Variants in SLC71A2 observed in about 807,000 individuals in gnomAD.
The protein encoded by SLC71A2 is hippocampus abundant transcript-like 1.
chr9:94,428,044 A>C, the SLC71A2 span, among the ~76,000 whole-genome samples: 2 of 151,512 alleles, frequency 1.3e-5, no homozygotes, highest in Non-Finnish European at 2.9e-5. Context: ...AATCGCTTGA[A>C]CCTGAGAGGC....
At chr9:94,399,475 A>G in the SLC71A2 span, among the ~76,000 whole-genome samples, 6 of 152,286 alleles carry the variant, frequency 3.9e-5, no homozygotes, top group South Asian at 1.2e-3. Context: ...GACCATCTGT[A>G]TCTATATGAA....
the SLC71A2 span, among the ~76,000 whole-genome samples, chr9:94,392,945 A>C: frequency 6.6e-6 from 1 of 151,962 alleles, no homozygotes; most frequent in Non-Finnish European, 1.5e-5. Context: ...CCTTCTAAAA[A>C]TTATCTCATG....
the SLC71A2 span, among the ~76,000 whole-genome samples, chr9:94,381,363 T>G: frequency 7.9e-5 from 12 of 151,518 alleles, no homozygotes; most frequent in Admixed American, 1.3e-4. Flanking sequence ...TTTTTTTTTT[T>G]TTTGTTATTT....
the SLC71A2 span, among the ~76,000 whole-genome samples, chr9:94,452,146 AATCT>A: frequency 6.6e-6 from 1 of 152,254 alleles, no homozygotes; most frequent in Non-Finnish European, 1.5e-5. Context: ...AAATAATTAT[AATCT>A]ATCTCTGGAT....
chr9:94,443,672 A>G, the SLC71A2 span, among the ~76,000 whole-genome samples: 3 of 152,156 alleles, frequency 2.0e-5, no homozygotes, highest in East Asian at 5.8e-4. Context: ...TTTAAGATAG[A>G]CACATTTTGC....
the SLC71A2 span, chr9:94,446,714 C>T: frequency 1.1e-5 from 6 of 523,404 alleles, no homozygotes; most frequent in South Asian, 1.3e-4. Flanking sequence ...AACCATTTGA[C>T]TTTTGTTATT....
chr9:94,403,814 A>G, the SLC71A2 span, among the ~76,000 whole-genome samples: 1 of 152,066 alleles, frequency 6.6e-6, no homozygotes, highest in African/African-American at 2.4e-5. Flanking sequence ...TAATTTCTTC[A>G]TGTCCTTGCC....
chr9:94,457,903 G>C, the SLC71A2 span, among the ~76,000 whole-genome samples: 4 of 146,752 alleles, frequency 2.7e-5, no homozygotes, highest in African/African-American at 5.0e-5. Context: ...TAGGTCTCTA[G>C]GGAGATAGGC....
At chr9:94,419,749 G>C in the SLC71A2 span, among the ~76,000 whole-genome samples, 1 of 152,112 alleles carries the variant, frequency 6.6e-6, no homozygotes, top group Non-Finnish European at 1.5e-5. Context: ...CATGGATTTT[G>C]ATTTTTTTCT....
chr9:94,447,355 T>C, the SLC71A2 span, among the ~76,000 whole-genome samples: 1 of 151,994 alleles, frequency 6.6e-6, no homozygotes, highest in Non-Finnish European at 1.5e-5. Flanking sequence ...AATTTTTGTA[T>C]TTTTAGTAGA....
chr9:94,458,279 C>T, the SLC71A2 span: 1 of 1,574,606 alleles, frequency 6.4e-7, no homozygotes, highest in Admixed American at 2.0e-5. Flanking sequence ...TCTTGAGATG[C>T]CTTTCTGAGA....
the SLC71A2 span, among the ~76,000 whole-genome samples, chr9:94,420,763 G>A: frequency 2.6e-5 from 4 of 152,120 alleles, no homozygotes; most frequent in African/African-American, 7.2e-5. Flanking sequence ...GCCAGGCATG[G>A]TGGCATGCGC....
At chr9:94,391,038 A>G in the SLC71A2 span, among the ~76,000 whole-genome samples, 1 of 151,914 alleles carries the variant, frequency 6.6e-6, no homozygotes, top group Non-Finnish European at 1.5e-5. Flanking sequence ...ATAAGGAGGC[A>G]AAACCTTGGG....
At chr9:94,407,781 AC>A in the SLC71A2 span, among the ~76,000 whole-genome samples, 1 of 152,034 alleles carries the variant, frequency 6.6e-6, no homozygotes, top group East Asian at 1.9e-4. Context: ...GGTTTCAGTT[AC>A]CCGAAGTGGG....
the SLC71A2 span, among the ~76,000 whole-genome samples, chr9:94,450,535 G>A: frequency 8.7e-6 from 1 of 114,468 alleles, no homozygotes; most frequent in Non-Finnish European, 1.7e-5. Flanking sequence ...TGTCGCCCAG[G>A]CTGGAATACA....
the SLC71A2 span, chr9:94,446,932 G>A: frequency 1.3e-6 from 2 of 1,521,994 alleles, no homozygotes; most frequent in South Asian, 2.2e-5. Flanking sequence ...CTCTATCTCA[G>A]GCAGGTGAGT....
the SLC71A2 span, chr9:94,415,181 T>C: frequency 6.2e-7 from 1 of 1,613,906 alleles, no homozygotes; most frequent in Non-Finnish European, 8.5e-7. Context: ...GCCGACCAAG[T>C]GTGTACCATG....
chr9:94,386,996 TTCC>T, the SLC71A2 span, among the ~76,000 whole-genome samples: 1 of 152,192 alleles, frequency 6.6e-6, no homozygotes, highest in Non-Finnish European at 1.5e-5. Context: ...GCTTAAAAGT[TTCC>T]TCCTCTTACA....
chr9:94,418,786 G>A, the SLC71A2 span, among the ~76,000 whole-genome samples: 1 of 147,280 alleles, frequency 6.8e-6, no homozygotes, highest in African/African-American at 2.5e-5. Flanking sequence ...CACGAGTGGG[G>A]TCTCACTATG....
Sources: allele counts gnomAD v4.1 joint callset (sites outside exome capture counted in the v4.1 genomes callset), GRCh38; gene constraint gnomAD v4.1.1; transcripts MANE v1.5; gene names NCBI Gene and HGNC (gene_info 2026-07-23, HGNC 2026-07-21).